Variants in ME3 observed in about 807,000 individuals in gnomAD.
ME3 encodes NADP-dependent malic enzyme, mitochondrial.
ME3 carries 48 observed loss-of-function variants against 68.9 expected under a neutral mutation model. The observed-to-expected ratio is 0.70, with a 90% CI of 0.55 to 0.89. ME3 has a LOEUF of 0.89. Ranked by LOEUF, ME3 falls within the 40% of genes least tolerant of loss-of-function variation. The pLI, the probability that ME3 is intolerant of heterozygous loss-of-function variation, is 0.00. For synonymous variants in ME3, 320 were observed against 318.8 expected, an observed-to-expected ratio of 1.00 and a Z score of -0.04; for missense variants, 675 against 797.4, an observed-to-expected ratio of 0.85 and a Z score of 1.85.
chr11:86,640,310 AAAG>A (rs1285929985), intron 2 of ME3, among the ~76,000 whole-genome samples: 20 of 152,222 alleles, frequency 1.3e-4, no homozygotes, highest in African/African-American at 4.6e-4. Flanking sequence ...CAAAGTATTG[AAAG>A]AAGGAGAATA....
chr11:86,570,558 C>T (rs1269621937), intron 2 of ME3, among the ~76,000 whole-genome samples: 8 of 152,096 alleles, frequency 5.3e-5, no homozygotes, highest in East Asian at 3.9e-4. Flanking sequence ...GGGAAGTCTC[C>T]GCAGACACAG....
At chr11:86,618,820 C>T (rs554893642) in intron 2 of ME3, among the ~76,000 whole-genome samples, 1 of 151,630 alleles carries the variant, frequency 6.6e-6, no homozygotes, top group Admixed American at 6.6e-5. Flanking sequence ...TGGGTTCAAG[C>T]GATTATCCTA....
At chr11:86,571,291 G>C (rs1367049802) in intron 2 of ME3, among the ~76,000 whole-genome samples, 2 of 152,226 alleles carry the variant, frequency 1.3e-5, no homozygotes, top group African/African-American at 4.8e-5. Context: ...AAAGTATTAA[G>C]TGTCTTCTGT....
chr11:86,658,436 C>G (rs915848063), intron 2 of ME3, among the ~76,000 whole-genome samples: 2 of 151,882 alleles, frequency 1.3e-5, no homozygotes, highest in Non-Finnish European at 1.5e-5. Context: ...AATTTTTCCT[C>G]TGCTTGCAAA....
intron 8 of ME3, among the ~76,000 whole-genome samples, chr11:86,464,765 CTG>C (rs1353047927): frequency 1.3e-5 from 2 of 152,196 alleles, no homozygotes; most frequent in Non-Finnish European, 2.9e-5. Flanking sequence ...GATGATGAAA[CTG>C]TGGTCAGAGA....
intron 7 of ME3, among the ~76,000 whole-genome samples, chr11:86,478,124 A>G (rs766189044): frequency 1.3e-5 from 2 of 152,050 alleles, no homozygotes; most frequent in African/African-American, 2.4e-5. Flanking sequence ...CCACCAATCA[A>G]CCAACTCCCA....
intron 4 of ME3, among the ~76,000 whole-genome samples, chr11:86,521,569 A>C (rs574287854): frequency 9.9e-5 from 15 of 152,230 alleles, no homozygotes; most frequent in African/African-American, 3.4e-4. Flanking sequence ...TTTCAGGTGG[A>C]ATTTAAGAAA....
intron 8 of ME3, among the ~76,000 whole-genome samples, chr11:86,451,727 T>G (rs1411117673): frequency 2.6e-5 from 4 of 152,262 alleles, no homozygotes; most frequent in African/African-American, 4.8e-5. Context: ...ATTTCTTTCC[T>G]CGTCTGTAAT....
intron 4 of ME3, among the ~76,000 whole-genome samples, chr11:86,526,246 T>C (rs1269199670): frequency 2.6e-5 from 4 of 152,218 alleles, no homozygotes; most frequent in African/African-American, 9.6e-5. Context: ...CGGAGGGTCC[T>C]ATGCCCATGG....
chr11:86,556,471 C>T (rs1956928729), intron 4 of ME3, 82 bp downstream of exon 4: 1 of 1,491,638 alleles, frequency 6.7e-7, no homozygotes, highest in South Asian at 1.3e-5. Flanking sequence ...CTCCAGAGTC[C>T]CAATATGCAT....
At chr11:86,622,789 G>A (rs1479746128) in intron 2 of ME3, 1 of 151,890 alleles carries the variant, frequency 6.6e-6, no homozygotes, top group Non-Finnish European at 1.5e-5. Context: ...TATTTGGTGA[G>A]TTCATCCATC....
At chr11:86,438,630 C>A (rs938916601), downstream of ME3, among the ~76,000 whole-genome samples, 1 of 152,110 alleles carries the variant, frequency 6.6e-6, no homozygotes, top group Non-Finnish European at 1.5e-5. Context: ...TTTTTAATTA[C>A]TAATTTCTTT....
chr11:86,537,286 TA>T (rs200108181), intron 4 of ME3, among the ~76,000 whole-genome samples: 31 of 149,428 alleles, frequency 2.1e-4, no homozygotes, highest in East Asian at 1.4e-3. Flanking sequence ...TAAAGTATAA[TA>T]AAAAAAAACA....
chr11:86,450,522 G>T, intron 8 of ME3, 124 bp from the exon 9 acceptor site: 1 of 674,708 alleles, frequency 1.5e-6, no homozygotes, highest in Non-Finnish European at 2.5e-6. Context: ...TAGCCCTTAT[G>T]CCCTGTAGGC....
At chr11:86,541,266 G>A (rs1956029000) in intron 4 of ME3, among the ~76,000 whole-genome samples, 1 of 151,960 alleles carries the variant, frequency 6.6e-6, no homozygotes, top group South Asian at 2.1e-4. Flanking sequence ...ATACCCCAGT[G>A]GTGCCTGGAG....
chr11:86,609,870 G>A (rs4245422), intron 2 of ME3, among the ~76,000 whole-genome samples: 60,660 of 151,978 alleles, frequency 0.4, 12,736 homozygotes, highest in East Asian at 0.71. Flanking sequence ...TAGAAACACA[G>A]TAAGCAAAAT....
chr11:86,598,293 T>A (rs1373804240), intron 2 of ME3, among the ~76,000 whole-genome samples: 1 of 152,160 alleles, frequency 6.6e-6, no homozygotes, highest in Non-Finnish European at 1.5e-5. Flanking sequence ...CACCAGGAGA[T>A]TATATCCCGC....
chr11:86,450,386 A>C, exon 9 of ME3: 1 of 1,613,982 alleles, frequency 6.2e-7, no homozygotes. Flanking sequence ...TGCCACAGCA[A>C]CGGAGGCTGT....
chr11:86,483,133 A>G (rs1233876334), intron 7 of ME3, among the ~76,000 whole-genome samples: 5 of 152,312 alleles, frequency 3.3e-5, no homozygotes, highest in Admixed American at 6.5e-5. Flanking sequence ...TGTAAATCTG[A>G]TCAGGGCACA....
Sources: allele counts gnomAD v4.1 joint callset (sites outside exome capture counted in the v4.1 genomes callset), GRCh38; gene constraint gnomAD v4.1.1; transcripts MANE v1.5; gene names NCBI Gene and HGNC (gene_info 2026-07-23, HGNC 2026-07-21).